The following EYS variants were observed in gnomAD, a reference collection of about 807,000 sequenced individuals.
The protein encoded by EYS is EGF-like photoreceptor maintenance factor, also known as protein eyes shut homolog.
Under a neutral mutation model 282.1 loss-of-function variants are expected in EYS, and 250 were observed. That is an observed-to-expected ratio of 0.89 (90% CI 0.80 to 0.98). The LOEUF is 0.98. Among genes scored for constraint, EYS ranks in the 50% least tolerant of loss-of-function variants. The probability of loss-of-function intolerance (pLI) is 0.00; values close to 1 mark genes in which losing one functional copy is unlikely to be tolerated. For missense variants in EYS, 4,016 were observed against 3,709.0 expected, an observed-to-expected ratio of 1.08 and a Z score of -2.15; for synonymous variants, 1,355 against 1,282.9, an observed-to-expected ratio of 1.06 and a Z score of -1.20.
chr6:64,485,166 C>G (rs1175307095), intron 26 of EYS, among the ~76,000 whole-genome samples: 1 of 151,682 alleles, frequency 6.6e-6, no homozygotes, highest in South Asian at 2.1e-4. Flanking sequence ...AAGGGTCCAG[C>G]TTAAGGAGCA....
intron 15 of EYS, among the ~76,000 whole-genome samples, chr6:64,922,731 T>C (rs554627159): frequency 3.9e-4 from 60 of 152,244 alleles, no homozygotes; most frequent in African/African-American, 1.4e-3. Context: ...AAATGTATTT[T>C]CTAACTCATT....
intron 35 of EYS, among the ~76,000 whole-genome samples, chr6:63,939,383 A>G (rs1173685385): frequency 6.6e-6 from 1 of 152,190 alleles, no homozygotes; most frequent in Non-Finnish European, 1.5e-5. Flanking sequence ...AAGAAATACC[A>G]GTTGGAAAGG....
intron 26 of EYS, among the ~76,000 whole-genome samples, chr6:64,557,519 G>T (rs867256118): frequency 6.6e-6 from 1 of 151,614 alleles, no homozygotes; most frequent in Non-Finnish European, 1.5e-5. Flanking sequence ...TAATGGTGTT[G>T]GTTATTTTCA....
chr6:65,135,475 G>C (rs1452840291), intron 12 of EYS, among the ~76,000 whole-genome samples: 1 of 151,936 alleles, frequency 6.6e-6, no homozygotes, highest in Non-Finnish European at 1.5e-5. Flanking sequence ...GGATGATTAT[G>C]AATATAGGAC....
chr6:64,081,763 C>T (rs1268678030), intron 32 of EYS, 93 bp downstream of exon 32: 6 of 1,113,524 alleles, frequency 5.4e-6, no homozygotes, highest in Non-Finnish European at 6.2e-6. Flanking sequence ...GAAAAATTCT[C>T]TCACAATATT....
Position 65,174,301 on chromosome 6 carries a change from C to T in EYS, c.2024-116574G>A, listed in dbSNP as rs549303297. Among the ~76,000 whole-genome samples, 28 of 151,388 alleles carry T rather than the reference C, an allele frequency of 1.8e-4. 1 individual carries two copies. Among genetic ancestry groups the T allele is most frequent in the African/African-American group, 4.8e-4 (20 of 41,470 alleles). Reference sequence around the variant, plus strand: ...AGAACTTTCCATTGCTCATCATTGTCCACAAATATTTCTCACTCTTTTCCA... The same window carrying T: ...AGAACTTTCCATTGCTCATCATTGTTCACAAATATTTCTCACTCTTTTCCA... On this transcript the variant is annotated intron_variant, in intron 12 of 42. Coordinates refer to ENST00000503581, the MANE Select transcript of EYS (RefSeq NM_001142800.2).
At chr6:63,798,963 GTATATATATATATGTATATGTGTGTATA>G (rs1359468939) in intron 37 of EYS, among the ~76,000 whole-genome samples, 193 of 110,876 alleles carry the variant, frequency 1.7e-3, no homozygotes, top group African/African-American at 4.4e-3. Context: ...ATGTATATGT[GTATATATATATATGTATATGTGTGTATA>G]TATATATATA....
intron 33 of EYS, among the ~76,000 whole-genome samples, chr6:64,018,364 T>TTTG (rs557259533): frequency 6.6e-6 from 1 of 152,096 alleles, no homozygotes; most frequent in Non-Finnish European, 1.5e-5. Context: ...TCAGGGGTTT[T>TTTG]TTGTTGTTGT....
At chr6:64,831,132 G>A (rs1355431941) in intron 19 of EYS, among the ~76,000 whole-genome samples, 1 of 151,982 alleles carries the variant, frequency 6.6e-6, no homozygotes, top group Non-Finnish European at 1.5e-5. Context: ...AGTAGTCACT[G>A]ATAACTCACC....
chr6:64,310,767 GA>G (rs200188544), intron 29 of EYS, among the ~76,000 whole-genome samples: 3 of 91,462 alleles, frequency 3.3e-5, no homozygotes, highest in Non-Finnish European at 5.7e-5. Flanking sequence ...TTTAAAAGGT[GA>G]AAAAAAAGAG....
At chr6:65,321,796 C>T (rs1769483555) in intron 11 of EYS, among the ~76,000 whole-genome samples, 1 of 152,158 alleles carries the variant, frequency 6.6e-6, no homozygotes, top group South Asian at 2.1e-4. Flanking sequence ...TGGCCATTGC[C>T]TCAAAATCAG....
Position 65,132,674 on chromosome 6 carries a change from G to A in EYS, c.2024-74947C>T, listed in dbSNP as rs138557821. Among the ~76,000 whole-genome samples, 928 of 151,704 alleles carry A rather than the reference G, an allele frequency of 6.1e-3. 10 individuals are homozygous for A. The highest frequency in any genetic ancestry group is 0.021 in the African/African-American group (878 of 41,474). ...CAAGACAAGGATGCCATCTCTTACCGCTTCTATTAACAACATAGTATTGGA... is the reference window on the plus strand; with the variant it reads ...CAAGACAAGGATGCCATCTCTTACCACTTCTATTAACAACATAGTATTGGA... On this transcript the variant is annotated intron_variant, in intron 12 of 42. Coordinates refer to ENST00000503581, the MANE Select transcript of EYS (RefSeq NM_001142800.2).
Position 64,569,124 on chromosome 6 carries a change from A to G in EYS, c.5644+21099T>C, listed in dbSNP as rs569320359. ...AGAACTCCTTGCCAGGAAGGTCACAAAACTGACGGAGAATGACTTAGATGA... is the reference window on the plus strand; with the variant it reads ...AGAACTCCTTGCCAGGAAGGTCACAGAACTGACGGAGAATGACTTAGATGA... On this transcript the variant is annotated intron_variant, in intron 26 of 42. Coordinates refer to ENST00000503581, the MANE Select transcript of EYS (RefSeq NM_001142800.2). Among the ~76,000 whole-genome samples, 212 of 152,096 alleles carry G rather than the reference A, an allele frequency of 1.4e-3. 3 individuals are homozygous for G. The highest frequency in any genetic ancestry group is 2.5e-3 in the Admixed American group (38 of 15,260).
intron 12 of EYS, among the ~76,000 whole-genome samples, chr6:65,176,839 G>A (rs567417981): frequency 1.3e-5 from 2 of 151,726 alleles, no homozygotes; most frequent in African/African-American, 4.8e-5. Flanking sequence ...TTAAGTTGCA[G>A]TAAAATACAT....
intron 19 of EYS, among the ~76,000 whole-genome samples, chr6:64,825,796 T>C (rs888660738): frequency 2.0e-5 from 3 of 151,732 alleles, no homozygotes; most frequent in Non-Finnish European, 4.4e-5. Flanking sequence ...TTCACAATGA[T>C]CTCCCACAAA....
chr6:64,075,341 C>A (rs1029354235), intron 32 of EYS, among the ~76,000 whole-genome samples: 5 of 151,870 alleles, frequency 3.3e-5, no homozygotes, highest in Admixed American at 3.3e-4. Context: ...TGGCAGCAGC[C>A]TGGTACATAA....
At chr6:64,182,044 T>G (rs1261110338) in intron 31 of EYS, among the ~76,000 whole-genome samples, 1 of 152,156 alleles carries the variant, frequency 6.6e-6, no homozygotes, top group East Asian at 1.9e-4. Flanking sequence ...GTATTAAATA[T>G]TCATTTTCAC....
intron 2 of EYS, among the ~76,000 whole-genome samples, chr6:65,513,734 T>G (rs1766995278): frequency 6.6e-6 from 1 of 151,836 alleles, no homozygotes; most frequent in African/African-American, 2.4e-5. Flanking sequence ...TTGACAAAAT[T>G]CAACAACCCT....
At chr6:63,798,963 GTA>G (rs1231377496) in intron 37 of EYS, among the ~76,000 whole-genome samples, 124 of 110,866 alleles carry the variant, frequency 1.1e-3, no homozygotes, top group African/African-American at 3.1e-3. Context: ...ATGTATATGT[GTA>G]TATATATATA....
Sources: allele counts gnomAD v4.1 joint callset (sites outside exome capture counted in the v4.1 genomes callset), GRCh38; gene constraint gnomAD v4.1.1; transcripts MANE v1.5; gene names NCBI Gene and HGNC (gene_info 2026-07-23, HGNC 2026-07-21).